The following LTA4H variants were observed in gnomAD, a reference collection of about 807,000 sequenced individuals.
LTA4H encodes leukotriene A4 hydrolase, also known as leukotriene A-4 hydrolase.
A neutral mutation model predicts 89.8 loss-of-function variants in LTA4H; 59 were observed. That is an observed-to-expected ratio of 0.66 (90% CI 0.53 to 0.82). The LOEUF is 0.82. Among genes scored for constraint, LTA4H ranks in the 40% least tolerant of loss-of-function variants. LTA4H has a pLI of 0.00. For synonymous variants in LTA4H, 227 were observed against 253.1 expected (o/e 0.90, Z 0.98); for missense variants, 617 against 727.0 (o/e 0.85, Z 1.74).
rs765903532 is a variant in LTA4H at position 96,017,574 on chromosome 12, C to T, written c.859G>A (p.Asp287Asn). ...TAACTTACATTGGAGAGTGACTTGTCGCCTGCCTACAAAAAAAGAAAATTA... is the reference window on the plus strand; with the variant it reads ...TAACTTACATTGGAGAGTGACTTGTTGCCTGCCTACAAAAAAAGAAAATTA... ...TFVTPTLLAG[D>N]KSLSNVIAHE... Residue 287 changes from aspartate to asparagine, a missense_variant, in exon 9 of 19, where the codon GAC becomes AAC. Around this residue, in one of 3 missense-constraint regions of LTA4H, gnomAD observed 172 missense variants for 244.5 expected, o/e 0.70. Coordinates refer to ENST00000228740, the MANE Select transcript of LTA4H (RefSeq NM_000895.3). 34 of 1,609,778 alleles carry T rather than the reference C, an allele frequency of 2.1e-5. No individual in the cohort carries two copies. The highest frequency in any genetic ancestry group is 1.2e-4 in the Admixed American group (7 of 59,622).
chr12:96,002,572 A>T (rs1950121566), intron 18 of LTA4H, among the ~76,000 whole-genome samples: 1 of 151,790 alleles, frequency 6.6e-6, no homozygotes, highest in Non-Finnish European at 1.5e-5. Flanking sequence ...TCTATGCAAC[A>T]TTTGAACACA....
chr12:96,009,347 C>A (rs1950259070), intron 14 of LTA4H, 199 bp from the exon 15 acceptor site: 1 of 550,168 alleles, frequency 1.8e-6, no homozygotes, highest in Non-Finnish European at 3.2e-6. Context: ...CAAATGGATA[C>A]CACATTAATG....
In LTA4H at chr12:96,022,643, C is replaced by A. The variant is rs1257208863; in HGVS notation, c.481-392G>T. ...TTTGGTAGAAACTGGATTAAAATCCCAGCTCTGCCACCTAATAACTAACTG... is the reference window on the plus strand; with the variant it reads ...TTTGGTAGAAACTGGATTAAAATCCAAGCTCTGCCACCTAATAACTAACTG... On this transcript the variant is annotated intron_variant, in intron 4 of 18. Coordinates refer to ENST00000228740, the MANE Select transcript of LTA4H (RefSeq NM_000895.3). The surrounding 1 kb of genome is among the most constrained non-coding windows in gnomAD (Gnocchi z 4.0). 3.3e-5 allele frequency among the ~76,000 whole-genome samples: 5 copies of A among 152,140 alleles called. No individual in the cohort carries two copies. The highest frequency in any genetic ancestry group is 7.3e-5 in the Non-Finnish European group (5 of 68,034).
intron 1 of LTA4H, among the ~76,000 whole-genome samples, chr12:96,042,163 AGTTTGTTT>A (rs200602059): frequency 6.6e-6 from 1 of 150,756 alleles, no homozygotes; most frequent in African/African-American, 2.4e-5. Flanking sequence ...TTGTATTTTT[AGTTTGTTT>A]GTTTGTTTGT....
intron 9 of LTA4H, 100 bp from the exon 10 acceptor site, chr12:96,017,214 T>A (rs1950391876): frequency 1.2e-6 from 1 of 845,090 alleles, no homozygotes; most frequent in Admixed American, 2.2e-5. Context: ...TTAAAAAATA[T>A]TAGCTGAGAT....
intron 14 of LTA4H, chr12:96,010,743 C>T (rs1044354408): frequency 2.0e-5 from 3 of 152,202 alleles, no homozygotes; most frequent in African/African-American, 7.2e-5. Context: ...AAGGTTTACT[C>T]TAGCTTTAGT....
chr12:96,020,818 G>T, intron 6 of LTA4H: 1 of 332,456 alleles, frequency 3.0e-6, no homozygotes, highest in South Asian at 3.9e-5. Context: ...GATTGAGAGT[G>T]ACTTGTTCAA....
chr12:96,036,041 A>C (rs924714503), upstream of LTA4H, among the ~76,000 whole-genome samples: 15 of 152,172 alleles, frequency 9.9e-5, no homozygotes, highest in Admixed American at 2.0e-4. Flanking sequence ...TATAGTGGTG[A>C]GTATCCCCGC....
At chr12:96,011,687 G>A (rs1251906768) in intron 14 of LTA4H, 3 of 152,164 alleles carry the variant, frequency 2.0e-5, no homozygotes, top group Non-Finnish European at 4.4e-5. Flanking sequence ...CAATAAATGT[G>A]TGCTGGATTG....
At chr12:96,041,631 A>G (rs1950686485) in intron 1 of LTA4H, among the ~76,000 whole-genome samples, 1 of 152,026 alleles carries the variant, frequency 6.6e-6, no homozygotes, top group African/African-American at 2.4e-5. Flanking sequence ...TCTTCAAAGT[A>G]GTATAAACCC....
intron 1 of LTA4H, among the ~76,000 whole-genome samples, chr12:96,042,134 C>T (rs979794581): frequency 6.6e-6 from 1 of 151,910 alleles, no homozygotes; most frequent in Non-Finnish European, 1.5e-5. Context: ...AGGCACAAGC[C>T]ACTACGCCGA....
chr12:96,019,077 C>T, intron 7 of LTA4H, 91 bp downstream of exon 7: 1 of 1,263,478 alleles, frequency 7.9e-7, no homozygotes, highest in East Asian at 2.4e-5. Context: ...TGGTTCTTTC[C>T]CCGTATCACT....
chr12:96,019,301 A>G (rs1950423125), intron 6 of LTA4H, 61 bp from the exon 7 acceptor site: 1 of 1,399,366 alleles, frequency 7.1e-7, no homozygotes, highest in African/African-American at 1.4e-5. Context: ...TCTGGTTCTA[A>G]AAAGTAGTTA....
chr12:96,041,983 T>G (rs1178264891), intron 1 of LTA4H, among the ~76,000 whole-genome samples: 1 of 115,044 alleles, frequency 8.7e-6, no homozygotes, highest in African/African-American at 4.0e-5. Flanking sequence ...TTTGTTTTTT[T>G]TTCTTTTTTT....
At chr12:96,031,463 A>G (rs150518057) in intron 1 of LTA4H, among the ~76,000 whole-genome samples, 7 of 152,352 alleles carry the variant, frequency 4.6e-5, no homozygotes, top group African/African-American at 7.2e-5. Context: ...GTAATAAGAA[A>G]GAAAAATAAA....
chr12:96,020,227 A>G (rs1950438333), intron 6 of LTA4H, among the ~76,000 whole-genome samples: 1 of 152,154 alleles, frequency 6.6e-6, no homozygotes, highest in Non-Finnish European at 1.5e-5. Context: ...CTAGAACAGG[A>G]ATGGGTATAA....
At position 96,009,082 on chromosome 12, in the gene LTA4H, A is replaced by G. The variant is rs1374349822; in HGVS notation, c.1434+12T>C. 1 of 1,582,766 alleles carries G rather than the reference A, an allele frequency of 6.3e-7. No homozygotes were observed. The highest frequency in any genetic ancestry group is 2.2e-5 in the East Asian group (1 of 44,684). ...TTCAAAAAGGAATCAAAAATCACAC[A>G]TTATTACTTACAGTAATCCATCTTT... On this transcript the variant is annotated intron_variant, in intron 15 of 18. Coordinates refer to ENST00000228740, the MANE Select transcript of LTA4H (RefSeq NM_000895.3).
At chr12:96,028,187 G>T (rs1950533158) in intron 2 of LTA4H, among the ~76,000 whole-genome samples, 1 of 152,152 alleles carries the variant, frequency 6.6e-6, no homozygotes, top group African/African-American at 2.4e-5. Context: ...AGTTTGAGAA[G>T]CACTGATAAT....
At chr12:96,040,420 G>A (rs563178328), upstream of LTA4H, among the ~76,000 whole-genome samples, 6 of 152,306 alleles carry the variant, frequency 3.9e-5, no homozygotes, top group Admixed American at 6.5e-5. Flanking sequence ...ATGGCCACCC[G>A]GAAGTAGACA....
Sources: allele counts gnomAD v4.1 joint callset (sites outside exome capture counted in the v4.1 genomes callset), GRCh38; gene constraint gnomAD v4.1.1; regional missense constraint gnomAD v4.1.1; non-coding constraint Gnocchi (gnomAD v3.1); transcripts MANE v1.5; gene names NCBI Gene and HGNC (gene_info 2026-07-23, HGNC 2026-07-21).